Variants in SLC2A9 observed in about 807,000 individuals in gnomAD.
SLC2A9 encodes the protein solute carrier family 2 member 9.
A neutral mutation model predicts 50.6 loss-of-function variants in SLC2A9; 39 were observed. The ratio of observed to expected loss-of-function variants is 0.77; its 90% CI spans 0.60 to 1.01. The LOEUF (loss-of-function observed/expected upper bound fraction) is 1.01. Ranked by LOEUF, SLC2A9 falls within the 50% of genes least tolerant of loss-of-function variation. The pLI is 0.00. For missense variants in SLC2A9, 686 were observed against 677.6 expected (o/e 1.01, Z -0.14); for synonymous variants, 324 against 276.9 (o/e 1.17, Z -1.69).
intron 4 of SLC2A9, among the ~76,000 whole-genome samples, chr4:9,981,684 T>C (rs951219464): frequency 3.9e-5 from 6 of 152,200 alleles, no homozygotes; most frequent in Non-Finnish European, 8.8e-5. Flanking sequence ...GACTCCGTTA[T>C]GGCAGATGCT....
At chr4:9,865,252 AT>A (rs1732261435) in intron 10 of SLC2A9, among the ~76,000 whole-genome samples, 1 of 152,260 alleles carries the variant, frequency 6.6e-6, no homozygotes, top group Non-Finnish European at 1.5e-5. Flanking sequence ...GAAGCCAAGA[AT>A]GCTGCTCAAC....
chr4:9,858,703 G>A (rs62295694), intron 10 of SLC2A9, among the ~76,000 whole-genome samples: 16,695 of 152,140 alleles, frequency 0.11, 1,032 homozygotes, highest in African/African-American at 0.13. Context: ...GGCAGAGGTG[G>A]AATGATGGTT....
intron 6 of SLC2A9, among the ~76,000 whole-genome samples, chr4:9,933,015 G>A (rs753182736): frequency 1.3e-5 from 2 of 152,182 alleles, no homozygotes; most frequent in East Asian, 3.8e-4. Flanking sequence ...CCACGTTAAC[G>A]AGAGCAGCTC....
At chr4:9,818,443 T>C (rs1411999261) in intron 3 of SLC2A9, among the ~76,000 whole-genome samples, 1 of 152,248 alleles carries the variant, frequency 6.6e-6, no homozygotes. Flanking sequence ...ACTATTGCAA[T>C]AGCGGAGACA....
At chr4:9,870,189 A>G (rs1733185825) in intron 10 of SLC2A9, among the ~76,000 whole-genome samples, 1 of 152,270 alleles carries the variant, frequency 6.6e-6, no homozygotes, top group Admixed American at 6.5e-5. Flanking sequence ...TTCTGGCCTC[A>G]GAACTGTGGG....
chr4:9,874,763 G>C (rs1159916364), intron 10 of SLC2A9, among the ~76,000 whole-genome samples: 1 of 152,206 alleles, frequency 6.6e-6, no homozygotes, highest in Non-Finnish European at 1.5e-5. Context: ...GTCTAAGGTG[G>C]GATGCTGTGT....
chr4:9,905,390 G>A (rs1740475265), intron 8 of SLC2A9, among the ~76,000 whole-genome samples: 1 of 152,222 alleles, frequency 6.6e-6, no homozygotes, highest in Non-Finnish European at 1.5e-5. Flanking sequence ...ACCATGGGAG[G>A]AGCTGGCAAG....
At chr4:9,926,056 C>T (rs1023471475) in intron 6 of SLC2A9, among the ~76,000 whole-genome samples, 4 of 152,064 alleles carry the variant, frequency 2.6e-5, no homozygotes, top group Non-Finnish European at 4.4e-5. Flanking sequence ...CAGAGAGCCA[C>T]GCTGTTAGCA....
In SLC2A9 at chr4:9,913,683, C is replaced by T. The variant is rs151139969; in HGVS notation, c.1003-5338G>A. On this transcript the variant is annotated intron_variant, in intron 7 of 11. Coordinates refer to ENST00000264784, the MANE Select transcript of SLC2A9 (RefSeq NM_020041.3). The stretch of plus-strand genomic sequence containing the variant: ...CCCTGGGCTCTTTCTGTATCTGCCT[C>T]CTGCAGGAAGCTGGAGATGTGTCTG... 2.6e-3 allele frequency among the ~76,000 whole-genome samples: 403 copies of T among 152,312 alleles called. 2 individuals are homozygous for T. Among genetic ancestry groups the T allele is most frequent in the Non-Finnish European group, 4.3e-3 (293 of 68,016 alleles).
intron 10 of SLC2A9, among the ~76,000 whole-genome samples, chr4:9,870,166 C>G (rs547557827): frequency 2.8e-4 from 42 of 152,368 alleles, no homozygotes; most frequent in Non-Finnish European, 3.4e-4. Context: ...CTACTGAAGC[C>G]TCGATCTCTG....
chr4:10,029,783 ATTTTTGTTTTTG>A (rs949375328), intron 1 of SLC2A9, among the ~76,000 whole-genome samples: 1 of 151,452 alleles, frequency 6.6e-6, no homozygotes, highest in Non-Finnish European at 1.5e-5. Context: ...TGCCTGGCTA[ATTTTTGTTTTTG>A]TTTTTGTTTT....
intron 6 of SLC2A9, among the ~76,000 whole-genome samples, chr4:9,926,735 C>T (rs892262753): frequency 7.2e-5 from 11 of 152,018 alleles, no homozygotes; most frequent in African/African-American, 2.2e-4. Flanking sequence ...GAAATAAGAC[C>T]TTTGTCAATA....
chr4:9,911,977 C>A (rs62293331), intron 7 of SLC2A9, among the ~76,000 whole-genome samples: 2 of 152,132 alleles, frequency 1.3e-5, no homozygotes. Flanking sequence ...ATAATGAGTT[C>A]ATGTCCTTTG....
At chr4:9,926,936 G>A (rs1260840820) in intron 6 of SLC2A9, among the ~76,000 whole-genome samples, 5 of 152,044 alleles carry the variant, frequency 3.3e-5, no homozygotes, top group Admixed American at 1.3e-4. Context: ...GCTGGTCCCC[G>A]TCGGAAGCCA....
rs1435370739 is a variant in SLC2A9, at chr4:9,994,803, G to A, written c.410+1978C>T. Among the ~76,000 whole-genome samples the A allele has an allele frequency of 2.0e-5, 3 of 151,892 alleles. No individual in the cohort carries two copies. In the East Asian group the frequency reaches 5.8e-4, roughly 30 times the overall value. On this transcript the variant is annotated intron_variant, in intron 3 of 11. Coordinates refer to ENST00000264784, the MANE Select transcript of SLC2A9 (RefSeq NM_020041.3). The stretch of plus-strand genomic sequence containing the variant: ...AGCCTCCTTGAGGAGCAGCCTTGGG[G>A]TATAAATGCCACGGTCAGGTATAAA...
chr4:9,863,086 C>T (rs919958218), intron 10 of SLC2A9, among the ~76,000 whole-genome samples: 1 of 152,012 alleles, frequency 6.6e-6, no homozygotes, highest in Non-Finnish European at 1.5e-5. Flanking sequence ...CGAGAAATGT[C>T]TCTGACTCTA....
At chr4:9,902,919 G>T (rs574337870) in intron 8 of SLC2A9, among the ~76,000 whole-genome samples, 8 of 152,318 alleles carry the variant, frequency 5.3e-5, no homozygotes, top group African/African-American at 1.9e-4. Flanking sequence ...CATTTATTGA[G>T]TATGTTCTCT....
rs61538689 is a variant in SLC2A9 at position 9,931,962 on chromosome 4, C to CTATATATA, written c.814+9943_814+9950dup. ...TCTCTCTCTCTCTCTCTCTCTCTCT[C>CTATATATA]TATATATATATATATATATATATAT... On this transcript the variant is annotated intron_variant, in intron 6 of 11. Coordinates refer to ENST00000264784, the MANE Select transcript of SLC2A9 (RefSeq NM_020041.3). Among the ~76,000 whole-genome samples the CTATATATA allele has an allele frequency of 9.7e-3, 142 of 14,570 alleles. 10 individuals are homozygous for CTATATATA. Among genetic ancestry groups the CTATATATA allele is most frequent in the South Asian group, 0.014 (4 of 288 alleles). 9.6% of individuals were successfully genotyped at this position (14,570 alleles called of 152,430 possible).
intron 3 of SLC2A9, among the ~76,000 whole-genome samples, chr4:9,819,049 G>A (rs919498025): frequency 6.6e-5 from 10 of 151,082 alleles, no homozygotes; most frequent in African/African-American, 2.4e-4. Flanking sequence ...AACCTGGGAG[G>A]TGGAGCTGGC....
Sources: gnomAD v4.1 joint callset for allele counts (sites outside exome capture counted in the v4.1 genomes callset) on GRCh38, gnomAD v4.1.1 for gene constraint, MANE v1.5 for transcripts, NCBI Gene and HGNC (gene_info 2026-07-23, HGNC 2026-07-21) for gene names.